The following GADL1 variants were observed in gnomAD, a reference collection of about 807,000 sequenced individuals.
GADL1 encodes acidic amino acid decarboxylase GADL1.
In GADL1, 71 loss-of-function variants were observed where a neutral mutation model predicts 69.5. The ratio of observed to expected loss-of-function variants is 1.02; its 90% CI spans 0.84 to 1.25. GADL1 has a LOEUF of 1.25. Among genes scored for constraint, GADL1 ranks in the 50% most tolerant of loss-of-function variants. GADL1 has a pLI of 0.00. For synonymous variants in GADL1, 254 were observed against 214.4 expected, an observed-to-expected ratio of 1.18 and a Z score of -1.62; for missense variants, 737 against 631.8, an observed-to-expected ratio of 1.17 and a Z score of -1.79.
At chr3:30,824,926 T>C (rs1697658497) in intron 11 of GADL1, among the ~76,000 whole-genome samples, 1 of 151,924 alleles carries the variant, frequency 6.6e-6, no homozygotes, top group Admixed American at 6.6e-5. Context: ...TATCTATCTA[T>C]CTTATACTTC....
At chr3:30,797,018 T>G (rs1370157415) in intron 12 of GADL1, among the ~76,000 whole-genome samples, 7 of 152,184 alleles carry the variant, frequency 4.6e-5, no homozygotes, top group Admixed American at 2.0e-4. Context: ...CCTCCTCACA[T>G]TGGGTTTAGC....
intron 14 of GADL1, among the ~76,000 whole-genome samples, chr3:30,766,844 CAA>C (rs1457970645): frequency 1.2e-4 from 15 of 120,768 alleles, no homozygotes; most frequent in Non-Finnish European, 9.2e-5. Flanking sequence ...TCCTATGGGA[CAA>C]GGGGGGAAAC....
At chr3:30,826,272 A>G (rs1382183367) in intron 11 of GADL1, among the ~76,000 whole-genome samples, 1 of 151,940 alleles carries the variant, frequency 6.6e-6, no homozygotes, top group East Asian at 1.9e-4. Flanking sequence ...ATTAAAGATG[A>G]CAAAAGGACA....
chr3:30,876,020 G>C (rs1450696139), intron 1 of GADL1, among the ~76,000 whole-genome samples: 1 of 151,902 alleles, frequency 6.6e-6, no homozygotes, highest in African/African-American at 2.4e-5. Context: ...ACTTTTCTCT[G>C]ATTTCCAATT....
At chr3:30,870,340 A>G (rs1698463113) in intron 1 of GADL1, among the ~76,000 whole-genome samples, 1 of 151,862 alleles carries the variant, frequency 6.6e-6, no homozygotes, top group Non-Finnish European at 1.5e-5. Flanking sequence ...AGATATGGAA[A>G]GAGAATGATC....
intron 12 of GADL1, among the ~76,000 whole-genome samples, chr3:30,796,998 G>A (rs1022526238): frequency 5.9e-5 from 9 of 152,130 alleles, no homozygotes; most frequent in Admixed American, 3.9e-4. Context: ...AAGGCAGAGG[G>A]CACTTCCCAC....
intron 3 of GADL1, among the ~76,000 whole-genome samples, chr3:30,855,924 T>G (rs1437319058): frequency 8.0e-6 from 1 of 124,578 alleles, no homozygotes; most frequent in African/African-American, 3.6e-5. Context: ...CTTCCTCTGA[T>G]CTGGCAAAAA....
At chr3:30,872,796 G>A (rs563726785) in intron 1 of GADL1, among the ~76,000 whole-genome samples, 10 of 151,976 alleles carry the variant, frequency 6.6e-5, no homozygotes, top group Non-Finnish European at 1.2e-4. Context: ...GAGTCATTCT[G>A]CACTCTGTGA....
intron 11 of GADL1, among the ~76,000 whole-genome samples, chr3:30,814,064 C>A (rs769020597): frequency 1.3e-5 from 2 of 152,086 alleles, no homozygotes; most frequent in African/African-American, 4.8e-5. Flanking sequence ...GTGCTTACTA[C>A]TTGATTAACA....
intron 14 of GADL1, among the ~76,000 whole-genome samples, chr3:30,749,888 G>A (rs367720853): frequency 4.1e-4 from 63 of 152,302 alleles, no homozygotes; most frequent in African/African-American, 1.4e-3. Flanking sequence ...TGTCATAACT[G>A]AAGAATAAAC....
chr3:30,769,649 T>C (rs1696371401), intron 14 of GADL1, among the ~76,000 whole-genome samples: 1 of 152,198 alleles, frequency 6.6e-6, no homozygotes, highest in Non-Finnish European at 1.5e-5. Flanking sequence ...ATCTAGTTCT[T>C]GGAATCCGGA....
At chr3:30,759,228 T>G (rs1696060953) in intron 14 of GADL1, among the ~76,000 whole-genome samples, 3 of 150,874 alleles carry the variant, frequency 2.0e-5, no homozygotes, top group African/African-American at 7.3e-5. Context: ...CATCTGTCTC[T>G]TTAGCTCTCA....
At chr3:30,769,443 ATT>A (rs1190315731) in intron 14 of GADL1, among the ~76,000 whole-genome samples, 12 of 152,100 alleles carry the variant, frequency 7.9e-5, no homozygotes, top group South Asian at 2.1e-4. Flanking sequence ...GCTGAGGATG[ATT>A]CCTATCTGTA....
chr3:30,837,761 ATAT>A (rs869149060), intron 9 of GADL1, among the ~76,000 whole-genome samples: 1 of 151,856 alleles, frequency 6.6e-6, no homozygotes, highest in Non-Finnish European at 1.5e-5. Context: ...TGCTCACTTC[ATAT>A]TATCTTTTAG....
intron 14 of GADL1, among the ~76,000 whole-genome samples, chr3:30,776,041 G>A (rs930849528): frequency 2.5e-4 from 38 of 152,140 alleles, no homozygotes; most frequent in African/African-American, 8.0e-4. Flanking sequence ...AGCAGAGATC[G>A]TGCCATTGCA....
intron 14 of GADL1, among the ~76,000 whole-genome samples, chr3:30,766,050 T>A (rs1696267913): frequency 6.6e-6 from 1 of 152,180 alleles, no homozygotes; most frequent in Non-Finnish European, 1.5e-5. Flanking sequence ...TAATTTTAAA[T>A]TGGAGTCAGA....
chr3:30,849,722 G>A (rs918413449), intron 6 of GADL1, among the ~76,000 whole-genome samples: 6 of 152,106 alleles, frequency 3.9e-5, no homozygotes, highest in Non-Finnish European at 7.4e-5. Context: ...TTCAAAAAAA[G>A]AGATTCACAG....
At chr3:30,822,903 T>TGA (rs1253262052) in intron 11 of GADL1, among the ~76,000 whole-genome samples, 1 of 152,030 alleles carries the variant, frequency 6.6e-6, no homozygotes, top group Non-Finnish European at 1.5e-5. Flanking sequence ...GAATACGCAG[T>TGA]AGTCTCTACA....
At chr3:30,745,126 C>A (rs1695683162) in intron 14 of GADL1, among the ~76,000 whole-genome samples, 3 of 152,166 alleles carry the variant, frequency 2.0e-5, no homozygotes, top group Non-Finnish European at 4.4e-5. Flanking sequence ...ATAAAGTGTG[C>A]ATGAGTGAGC....
Sources: gnomAD v4.1 joint callset for allele counts (sites outside exome capture counted in the v4.1 genomes callset) on GRCh38, gnomAD v4.1.1 for gene constraint, MANE v1.5 for transcripts, NCBI Gene and HGNC (gene_info 2026-07-23, HGNC 2026-07-21) for gene names.